The following SHROOM4 variants were observed in gnomAD, a reference collection of about 807,000 sequenced individuals.
SHROOM4 encodes the protein shroom family member 4.
SHROOM4 carries 17 observed loss-of-function variants against 80.3 expected under a neutral mutation model. The observed-to-expected ratio is 0.21, with a 90% CI of 0.14 to 0.32. The LOEUF (loss-of-function observed/expected upper bound fraction) is 0.32, where lower values mean the gene tolerates loss of function less well. Among genes scored for constraint, SHROOM4 ranks in the 10% least tolerant of loss-of-function variants. The probability of loss-of-function intolerance (pLI) is 1.00; values close to 1 mark genes in which losing one functional copy is unlikely to be tolerated. For synonymous variants in SHROOM4, 400 were observed against 437.5 expected (o/e 0.91, Z 1.07); for missense variants, 993 against 1,140.3 (o/e 0.87, Z 1.86).
At chrX:50,697,565 G>A (rs1473590698) in intron 1 of SHROOM4, among the ~76,000 whole-genome samples, 3 of 109,863 alleles carry the variant, frequency 2.7e-5, no homozygotes, top group African/African-American at 1.0e-4. Flanking sequence ...TACATTTATT[G>A]CTGCTAATCC....
downstream of SHROOM4, among the ~76,000 whole-genome samples, chrX:50,583,012 A>G (rs1448722374): frequency 1.6e-4 from 17 of 109,065 alleles, no homozygotes; most frequent in African/African-American, 5.3e-4. Flanking sequence ...TTATTTTTCA[A>G]CGGATTGACA....
intron 2 of SHROOM4, among the ~76,000 whole-genome samples, chrX:50,681,804 C>A (rs1325844714): frequency 8.9e-6 from 1 of 111,851 alleles, no homozygotes; most frequent in Non-Finnish European, 1.9e-5. Flanking sequence ...AAATAGTACC[C>A]GACACAGACC....
At chrX:50,684,054 T>G (rs1557262026) in intron 2 of SHROOM4, among the ~76,000 whole-genome samples, 2 of 111,992 alleles carry the variant, frequency 1.8e-5, no homozygotes, top group African/African-American at 6.5e-5. Context: ...TCAACAATGT[T>G]AAGTGCTGAT....
At chrX:50,677,406 G>A (rs1481714681) in intron 2 of SHROOM4, among the ~76,000 whole-genome samples, 9 of 111,000 alleles carry the variant, frequency 8.1e-5, no homozygotes, top group Non-Finnish European at 1.3e-4. Flanking sequence ...TCTCAACACC[G>A]ATATCTAGGA....
In SHROOM4 at chrX:50,592,534, G is replaced by T. The variant is rs782531134; in HGVS notation, c.*4161C>A. 2.9e-5 allele frequency: 5 copies of T among 173,531 alleles called. No homozygotes were observed. Among genetic ancestry groups the T allele is most frequent in the Non-Finnish European group, 4.3e-5 (4 of 93,312 alleles). 14.3% of individuals were successfully genotyped at this position (173,531 alleles called of 1,213,427 possible). On this transcript the variant is annotated 3_prime_UTR_variant, in exon 9 of 9. Coordinates refer to ENST00000376020, the MANE Select transcript of SHROOM4 (RefSeq NM_020717.5). ...GGACTCTTTCTACTCTACCACAATG[G>T]ATATCTTGAGTAGAAGGAGGATAGT...
At chrX:50,804,901 C>T (rs781838301) in intron 1 of SHROOM4, among the ~76,000 whole-genome samples, 163 of 110,599 alleles carry the variant, frequency 1.5e-3, no homozygotes, top group Admixed American at 2.5e-3. Flanking sequence ...TTGTCTTGAT[C>T]CTTCCTGATC....
intron 1 of SHROOM4, among the ~76,000 whole-genome samples, chrX:50,798,145 G>T (rs782516799): frequency 9.0e-6 from 1 of 110,734 alleles, no homozygotes; most frequent in East Asian, 2.9e-4. Flanking sequence ...GTCAAGTCTG[G>T]TTTTTTGTTT....
At chrX:50,795,514 C>A (rs1297035765) in intron 1 of SHROOM4, among the ~76,000 whole-genome samples, 1 of 110,923 alleles carries the variant, frequency 9.0e-6, no homozygotes, top group African/African-American at 3.3e-5. Flanking sequence ...TTAGAAAGAA[C>A]ATGGTGAGCA....
intron 2 of SHROOM4, among the ~76,000 whole-genome samples, chrX:50,663,816 C>T (rs1334960215): frequency 1.3e-4 from 14 of 111,501 alleles, no homozygotes; most frequent in Non-Finnish European, 1.9e-5. Flanking sequence ...TTGATAACCA[C>T]GTACTTCCCT....
chrX:50,624,576 A>C (rs1930717509), intron 5 of SHROOM4, among the ~76,000 whole-genome samples: 1 of 109,319 alleles, frequency 9.1e-6, no homozygotes, highest in Admixed American at 9.9e-5. Context: ...ACATTCTCCA[A>C]GTCACTGGGG....
chrX:50,619,747 T>C (rs1930497183), intron 5 of SHROOM4, among the ~76,000 whole-genome samples: 1 of 111,660 alleles, frequency 9.0e-6, no homozygotes, highest in African/African-American at 3.3e-5. Flanking sequence ...AGAGAGAAAA[T>C]GTGCTTCTTT....
intron 1 of SHROOM4, among the ~76,000 whole-genome samples, chrX:50,701,348 T>G (rs1442712837): frequency 8.9e-6 from 1 of 112,038 alleles, no homozygotes; most frequent in Non-Finnish European, 1.9e-5. Flanking sequence ...ATCGTCCTGC[T>G]GTCTCTATAA....
chrX:50,790,080 A>G (rs1270541697), intron 1 of SHROOM4, among the ~76,000 whole-genome samples: 2 of 112,192 alleles, frequency 1.8e-5, no homozygotes, highest in Admixed American at 1.9e-4. Context: ...ACATAGAAAA[A>G]GTATAGTAAA....
chrX:50,750,982 G>A (rs992319099), intron 1 of SHROOM4, among the ~76,000 whole-genome samples: 1 of 112,139 alleles, frequency 8.9e-6, no homozygotes, highest in East Asian at 2.8e-4. Flanking sequence ...AGTTTGTCTT[G>A]CTCAGTAAAA....
chrX:50,677,596 A>T (rs1932869710), intron 2 of SHROOM4, among the ~76,000 whole-genome samples: 1 of 111,360 alleles, frequency 9.0e-6, no homozygotes, highest in African/African-American at 3.3e-5. Context: ...AATCAGTGAA[A>T]AAGAGGTGAG....
intron 5 of SHROOM4, among the ~76,000 whole-genome samples, chrX:50,610,352 T>TCTCTCACACACACACACACACA (rs782591424): frequency 8.7e-5 from 8 of 91,708 alleles, no homozygotes; most frequent in African/African-American, 3.2e-4. Context: ...TCTCTCTCTC[T>TCTCTCACACACACACACACACA]CACACACACA....
chrX:50,652,045 G>A (rs955460490), intron 2 of SHROOM4, among the ~76,000 whole-genome samples: 14 of 111,741 alleles, frequency 1.3e-4, no homozygotes, highest in South Asian at 3.8e-4. Context: ...ATAAACATAC[G>A]TGTACATGTG....
chrX:50,610,352 T>A (rs868958494), intron 5 of SHROOM4, among the ~76,000 whole-genome samples: 938 of 91,707 alleles, frequency 0.01, 24 homozygotes, highest in African/African-American at 0.04. Flanking sequence ...TCTCTCTCTC[T>A]CACACACACA....
the SHROOM4 span, among the ~76,000 whole-genome samples, chrX:50,576,627 G>C: frequency 5.4e-5 from 6 of 111,509 alleles, no homozygotes; most frequent in Non-Finnish European, 1.1e-4. Flanking sequence ...GTGTTTGTGT[G>C]TGTGTGTTCT....
Sources: allele counts gnomAD v4.1 joint callset (sites outside exome capture counted in the v4.1 genomes callset), GRCh38; gene constraint gnomAD v4.1.1; transcripts MANE v1.5; gene names NCBI Gene and HGNC (gene_info 2026-07-23, HGNC 2026-07-21).